BOC: variants seen among roughly 807,000 people sequenced by gnomAD.
The protein encoded by BOC is BOC cell adhesion associated, oncogene regulated, also known as brother of CDO.
A neutral mutation model predicts 112.0 loss-of-function variants in BOC; 76 were observed. The observed-to-expected ratio is 0.68, with a 90% confidence interval of 0.56 to 0.82. The LOEUF is 0.82. Ranked by LOEUF, BOC falls within the 40% of genes least tolerant of loss-of-function variation. BOC has a pLI of 0.00. For missense variants in BOC, 1,309 were observed against 1,511.7 expected (o/e 0.87, Z 2.22); for synonymous variants, 580 against 599.8 (o/e 0.97, Z 0.48).
intron 14 of BOC, 44 bp from the exon 15 acceptor site, chr3:113,280,987 C>T (rs1462312582): frequency 6.2e-7 from 1 of 1,608,946 alleles, no homozygotes; most frequent in East Asian, 2.2e-5. Flanking sequence ...TCAAGAAAAC[C>T]ATATACACAT....
chr3:113,265,551 G>A (rs1439111514), intron 4 of BOC, among the ~76,000 whole-genome samples: 10 of 152,142 alleles, frequency 6.6e-5, no homozygotes, highest in Admixed American at 4.6e-4. Context: ...GCCTGAAGGA[G>A]GATTAAGGCC....
chr3:113,286,917 A>AAG lies in BOC; in HGVS notation c.*55_*56insAG. ...TATTGTTTTTTTTTTAAAAAAAAAA[A>AAG]GAAGAAAAAAGAGACAGAGAAAATT... On this transcript the variant is annotated 3_prime_UTR_variant, in exon 20 of 20. Coordinates refer to ENST00000682979, the MANE Select transcript of BOC (RefSeq NM_001378074.1). 6 of 1,403,994 alleles carry AAG rather than the reference A, an allele frequency of 4.3e-6. No homozygotes were observed. The highest frequency in any genetic ancestry group is 5.7e-6 in the Non-Finnish European group (6 of 1,043,800). 87.0% of individuals were successfully genotyped at this position (1,403,994 alleles called of 1,614,324 possible). A position where few individuals can be genotyped will look rare whatever the true frequency, so the allele number is the denominator to read the frequency against.
chr3:113,286,893 A>ATTT lies in BOC; in HGVS notation c.*33_*34insTTT. ...AGCTGATATCCCAGAAAGACTATAT[A>ATTT]TTGTTTTTTTTTTAAAAAAAAAAAG... On this transcript the variant is annotated 3_prime_UTR_variant, in exon 20 of 20. Coordinates refer to ENST00000682979, the MANE Select transcript of BOC (RefSeq NM_001378074.1). 6.8e-7 allele frequency: 1 copy of ATTT among 1,470,790 alleles called. No individual in the cohort carries two copies. The highest frequency in any genetic ancestry group is 2.5e-5 in the Admixed American group (1 of 40,734). 91.1% of individuals were successfully genotyped at this position (1,470,790 alleles called of 1,614,324 possible).
chr3:113,221,980 C>T (rs1444822597), intron 2 of BOC, among the ~76,000 whole-genome samples: 1 of 152,214 alleles, frequency 6.6e-6, no homozygotes, highest in Non-Finnish European at 1.5e-5. Flanking sequence ...TGCCCACTGC[C>T]TGGAAGGCTT....
rs1948486692 is a variant in BOC, at chr3:113,274,734, G to A, written c.1542+52G>A. The A allele has an allele frequency of 2.0e-6, 3 of 1,517,876 alleles. No individual in the cohort carries two copies. The South Asian group carries it at 3.9e-5, about 20-fold the overall frequency. The allele number at this position is 1,517,876 out of a possible 1,614,324, so 94.0% of individuals were successfully genotyped here. On this transcript the variant is annotated intron_variant, in intron 9 of 19. Transcript: ENST00000682979. This position sits in a 1 kb window ranked among gnomAD's most constrained non-coding sequence, Gnocchi z 4.8. ...CTCCCCTGCACAGCCTTTCCAGCAA[G>A]GCTGAGCAGAGTCACTGTCTCTTGG...
intron 4 of BOC, among the ~76,000 whole-genome samples, chr3:113,260,019 C>G (rs1231334589): frequency 6.6e-6 from 1 of 152,192 alleles, no homozygotes; most frequent in African/African-American, 2.4e-5. Context: ...CCTTCAACTT[C>G]CAAGTCTAGA....
At chr3:113,248,652 T>C (rs1324229807) in intron 2 of BOC, among the ~76,000 whole-genome samples, 1 of 152,180 alleles carries the variant, frequency 6.6e-6, no homozygotes, top group Non-Finnish European at 1.5e-5. Context: ...AGAAGCAAAA[T>C]CTTTGTTTTG....
chr3:113,270,728 C>G, intron 5 of BOC, 73 bp from the exon 6 acceptor site: 1 of 1,513,408 alleles, frequency 6.6e-7, no homozygotes, highest in Non-Finnish European at 8.9e-7. Context: ...CCGTGCACCT[C>G]TCCTTTGTGG....
At chr3:113,230,717 G>A (rs1197582756) in intron 2 of BOC, among the ~76,000 whole-genome samples, 1 of 152,112 alleles carries the variant, frequency 6.6e-6, no homozygotes, top group Non-Finnish European at 1.5e-5. Context: ...ATCCCATGTT[G>A]CAACAAAATC....
chr3:113,225,380 G>GTTC (rs1001396367), intron 2 of BOC, among the ~76,000 whole-genome samples: 6 of 152,226 alleles, frequency 3.9e-5, no homozygotes, highest in African/African-American at 1.4e-4. Context: ...GTATTTCAGA[G>GTTC]TTCTGTACAA....
intron 9 of BOC, among the ~76,000 whole-genome samples, chr3:113,275,831 C>T (rs1371805752): frequency 3.9e-5 from 6 of 152,122 alleles, no homozygotes; most frequent in Non-Finnish European, 8.8e-5. Context: ...CTGTTTTTTT[C>T]CCCTTACATG....
chr3:113,251,182 T>C (rs1430659096), intron 4 of BOC: 1 of 523,362 alleles, frequency 1.9e-6, no homozygotes, highest in African/African-American at 1.9e-5. Flanking sequence ...GTAGGTGCAC[T>C]GTCCCAACTG....
At chr3:113,213,829 G>A (rs886960520) in intron 1 of BOC, among the ~76,000 whole-genome samples, 1 of 152,132 alleles carries the variant, frequency 6.6e-6, no homozygotes, top group African/African-American at 2.4e-5. Flanking sequence ...TATGCAAAGA[G>A]GTAAAATGAA....
chr3:113,283,946 C>G (rs187425513), intron 16 of BOC, among the ~76,000 whole-genome samples: 116 of 152,160 alleles, frequency 7.6e-4, no homozygotes, highest in Non-Finnish European at 1.2e-3. Flanking sequence ...CCTGCCTCTT[C>G]CCTGGGTGCG....
At chr3:113,280,770 T>C in intron 14 of BOC, 107 bp downstream of exon 14, 1 of 968,206 alleles carries the variant, frequency 1.0e-6, no homozygotes. Flanking sequence ...CTGCATCTGG[T>C]GTGACACGAA....
chr3:113,242,122 CAAA>C (rs796226387), intron 2 of BOC, among the ~76,000 whole-genome samples: 1 of 119,628 alleles, frequency 8.4e-6, no homozygotes, highest in Non-Finnish European at 1.8e-5. Context: ...CCTCCAAAAA[CAAA>C]AAAAAAAAAA....
At chr3:113,280,139 G>A in intron 13 of BOC, 134 bp downstream of exon 13, 2 of 941,244 alleles carry the variant, frequency 2.1e-6, no homozygotes, top group Non-Finnish European at 1.5e-6. Context: ...GGCTCTTAGT[G>A]GCTGGAGCTG....
At chr3:113,216,824 GAC>G (rs1434962241) in intron 2 of BOC, among the ~76,000 whole-genome samples, 7 of 152,190 alleles carry the variant, frequency 4.6e-5, no homozygotes, top group Non-Finnish European at 8.8e-5. Context: ...AGAGCAGAAA[GAC>G]ACAGTTAACC....
intron 4 of BOC, 140 bp downstream of exon 4, chr3:113,250,973 G>A: frequency 1.8e-6 from 2 of 1,105,648 alleles, no homozygotes; most frequent in Non-Finnish European, 2.6e-6. Context: ...AATCAGAACA[G>A]TAGCTGCCTA....
Sources: allele counts gnomAD v4.1 joint callset (sites outside exome capture counted in the v4.1 genomes callset), GRCh38; gene constraint gnomAD v4.1.1; non-coding constraint Gnocchi (gnomAD v3.1); transcripts MANE v1.5; gene names NCBI Gene and HGNC (gene_info 2026-07-23, HGNC 2026-07-21).